The following ANXA10 variants were observed in gnomAD, a reference collection of about 807,000 sequenced individuals.
ANXA10 encodes the protein annexin A10.
A neutral mutation model predicts 53.5 loss-of-function variants in ANXA10; 49 were observed. The observed-to-expected ratio is 0.92, with a 90% CI of 0.73 to 1.16. ANXA10 has a LOEUF of 1.16. Ranked by LOEUF, ANXA10 falls within the 50% of genes most tolerant of loss-of-function variation. The pLI is 0.00. For missense variants in ANXA10, 393 were observed against 394.4 expected (o/e 1.00, Z 0.03); for synonymous variants, 131 against 128.9 (o/e 1.02, Z -0.11).
intron 3 of ANXA10, among the ~76,000 whole-genome samples, chr4:168,146,446 C>T (rs561124305): frequency 1.3e-5 from 2 of 152,278 alleles, no homozygotes; most frequent in African/African-American, 4.8e-5. Context: ...GGGCAATATC[C>T]TATGAATTGT....
intron 2 of ANXA10, among the ~76,000 whole-genome samples, chr4:168,128,600 GCC>G (rs1182672956): frequency 6.6e-6 from 1 of 151,954 alleles, no homozygotes; most frequent in Non-Finnish European, 1.5e-5. Flanking sequence ...CTGTAAATTG[GCC>G]CAATCACTTC....
At chr4:168,186,734 C>T (rs1348991238) in intron 11 of ANXA10, among the ~76,000 whole-genome samples, 1 of 152,070 alleles carries the variant, frequency 6.6e-6, no homozygotes, top group African/African-American at 2.4e-5. Flanking sequence ...TTTTCTAAAG[C>T]TATATAAATA....
At chr4:168,102,077 C>A (rs747074786) in intron 1 of ANXA10, among the ~76,000 whole-genome samples, 1 of 152,072 alleles carries the variant, frequency 6.6e-6, no homozygotes, top group Non-Finnish European at 1.5e-5. Flanking sequence ...AAGAGGAGTA[C>A]ATTGTTTGGA....
intron 2 of ANXA10, among the ~76,000 whole-genome samples, chr4:168,134,804 T>C (rs1297852195): frequency 6.6e-6 from 1 of 152,156 alleles, no homozygotes; most frequent in Non-Finnish European, 1.5e-5. Context: ...TTTCAGACCA[T>C]TTGTGCATAA....
At chr4:168,105,151 C>T (rs1290997651) in intron 1 of ANXA10, among the ~76,000 whole-genome samples, 5 of 151,316 alleles carry the variant, frequency 3.3e-5, no homozygotes, top group Admixed American at 6.6e-5. Context: ...AGTACATGTG[C>T]AGGTTTGTTA....
At chr4:168,156,192 A>ATATATTATATATTT (rs1363601987) in intron 3 of ANXA10, among the ~76,000 whole-genome samples, 1 of 28,746 alleles carries the variant, frequency 3.5e-5, no homozygotes, top group Non-Finnish European at 5.5e-5. Flanking sequence ...ATTATATATT[A>ATATATTATATATTT]TATATAATAT....
At chr4:168,160,973 G>C (rs1731773374) in intron 3 of ANXA10, among the ~76,000 whole-genome samples, 1 of 152,094 alleles carries the variant, frequency 6.6e-6, no homozygotes, top group Non-Finnish European at 1.5e-5. Flanking sequence ...TTTGTCCCAT[G>C]GATAGATTGC....
Position 168,186,458 on chromosome 4 carries a change from T to C in ANXA10, c.907-908T>C, listed in dbSNP as rs515357. Among the ~76,000 whole-genome samples, 10 of 152,100 alleles carry C rather than the reference T, an allele frequency of 6.6e-5. No homozygotes were observed. The Middle Eastern group carries it at 0.01, about 155-fold the overall frequency. The stretch of plus-strand genomic sequence containing the variant: ...GTGGGGTCTTTGTGAGGTGATTAGG[T>C]CATGAACGTGGAGCCCATGAATGGG... On this transcript the variant is annotated intron_variant, in intron 11 of 11. Coordinates refer to ENST00000359299, the MANE Select transcript of ANXA10 (RefSeq NM_007193.5).
chr4:168,134,042 A>G (rs755318561), intron 2 of ANXA10, among the ~76,000 whole-genome samples: 6 of 152,118 alleles, frequency 3.9e-5, no homozygotes, highest in Non-Finnish European at 8.8e-5. Context: ...ACTTAATATT[A>G]TAAGAGAGTT....
At chr4:168,159,910 T>C (rs529165985) in intron 3 of ANXA10, among the ~76,000 whole-genome samples, 6 of 152,304 alleles carry the variant, frequency 3.9e-5, no homozygotes, top group African/African-American at 1.2e-4. Context: ...ATTCCAGTAT[T>C]GAACCACCTC....
At chr4:168,157,087 G>A (rs1229543878) in intron 3 of ANXA10, among the ~76,000 whole-genome samples, 4 of 124,532 alleles carry the variant, frequency 3.2e-5, no homozygotes, top group Admixed American at 1.6e-4. Flanking sequence ...TGATCTAGTG[G>A]TATGGCATAT....
intron 1 of ANXA10, among the ~76,000 whole-genome samples, chr4:168,096,918 ATATATATATATG>A (rs1730556247): frequency 7.0e-6 from 1 of 142,080 alleles, no homozygotes; most frequent in African/African-American, 2.7e-5. Flanking sequence ...ATGCATATAT[ATATATATATATG>A]TATGTATATG....
At chr4:168,185,513 A>T (rs1357706392) in intron 11 of ANXA10, among the ~76,000 whole-genome samples, 1 of 152,192 alleles carries the variant, frequency 6.6e-6, no homozygotes, top group East Asian at 1.9e-4. Context: ...CAAAGGAGCA[A>T]TGATTCAGTA....
intron 3 of ANXA10, among the ~76,000 whole-genome samples, chr4:168,153,422 CAAAAAA>C (rs61179704): frequency 0.096 from 4,192 of 43,586 alleles, 189 homozygotes; most frequent in Middle Eastern, 0.21. Context: ...AAGCCTAAAG[CAAAAAA>C]AAAAAAAAAA....
chr4:168,106,955 A>G (rs1730729535), intron 1 of ANXA10, among the ~76,000 whole-genome samples: 1 of 152,168 alleles, frequency 6.6e-6, no homozygotes, highest in South Asian at 2.1e-4. Context: ...ATATTTTTAG[A>G]TGTGTTTCCC....
chr4:168,155,794 A>ATATATGATATATG (rs1560783750), intron 3 of ANXA10, among the ~76,000 whole-genome samples: 6 of 25,054 alleles, frequency 2.4e-4, no homozygotes, highest in Non-Finnish European at 3.3e-4. Flanking sequence ...TATTATATAT[A>ATATATGATATATG]ATATATAATA....
At chr4:168,127,858 C>G in intron 1 of ANXA10, 1 of 214,234 alleles carries the variant, frequency 4.7e-6, no homozygotes, top group Admixed American at 9.4e-5. Context: ...TCCTGAGTAG[C>G]TGGGATTACA....
chr4:168,181,009 A>T (rs1192628345), intron 9 of ANXA10, among the ~76,000 whole-genome samples: 1 of 152,204 alleles, frequency 6.6e-6, no homozygotes, highest in Non-Finnish European at 1.5e-5. Context: ...TAGCATTCAA[A>T]TAGATGAACA....
At chr4:168,164,158 A>G in intron 4 of ANXA10, 40 bp from the exon 5 acceptor site, 1 of 1,448,860 alleles carries the variant, frequency 6.9e-7, no homozygotes, top group Non-Finnish European at 9.7e-7. Flanking sequence ...TACTTCCAAT[A>G]AAAATATCCT....
Sources: gnomAD v4.1 joint callset for allele counts (sites outside exome capture counted in the v4.1 genomes callset) on GRCh38, gnomAD v4.1.1 for gene constraint, MANE v1.5 for transcripts, NCBI Gene and HGNC (gene_info 2026-07-23, HGNC 2026-07-21) for gene names.